DPYSL5: variants seen among roughly 807,000 people sequenced by gnomAD.
DPYSL5 encodes the protein dihydropyrimidinase like 5.
In DPYSL5, 9 loss-of-function variants were observed where a neutral mutation model predicts 58.4. The observed-to-expected ratio is 0.15, with a 90% CI of 0.09 to 0.27. The LOEUF is 0.27. Among genes scored for constraint, DPYSL5 ranks in the 10% least tolerant of loss-of-function variants. DPYSL5 has a pLI of 1.00. For synonymous variants in DPYSL5, 293 were observed against 301.9 expected (o/e 0.97, Z 0.31); for missense variants, 499 against 770.6 (o/e 0.65, Z 4.17).
chr2:26,862,045 A>G (rs961794510), intron 1 of DPYSL5, among the ~76,000 whole-genome samples: 1 of 151,200 alleles, frequency 6.6e-6, no homozygotes, highest in African/African-American at 2.4e-5. Context: ...AATTCTGCCA[A>G]CAATGTGACT....
At chr2:26,865,846 A>G (rs1309010265) in intron 1 of DPYSL5, among the ~76,000 whole-genome samples, 1 of 152,218 alleles carries the variant, frequency 6.6e-6, no homozygotes, top group Non-Finnish European at 1.5e-5. Flanking sequence ...ACAGATGTCA[A>G]CACAGATATC....
chr2:26,938,818 A>T (rs2148172967), intron 8 of DPYSL5: 1 of 152,280 alleles, frequency 6.6e-6, no homozygotes, highest in Admixed American at 6.5e-5. Context: ...GGGCACCCAC[A>T]GTGTGGTCCC....
At chr2:26,883,837 T>G (rs1663637419) in intron 1 of DPYSL5, among the ~76,000 whole-genome samples, 1 of 152,218 alleles carries the variant, frequency 6.6e-6, no homozygotes, top group Admixed American at 6.5e-5. Flanking sequence ...ATTTCTACCC[T>G]GAATCTAGGT....
intron 1 of DPYSL5, among the ~76,000 whole-genome samples, chr2:26,870,394 T>G (rs754322433): frequency 6.6e-6 from 1 of 152,246 alleles, no homozygotes; most frequent in African/African-American, 2.4e-5. Flanking sequence ...CCTTGGCTTA[T>G]GGAATAAACC....
intron 2 of DPYSL5, among the ~76,000 whole-genome samples, chr2:26,913,151 C>T (rs987985083): frequency 4.6e-5 from 7 of 152,184 alleles, no homozygotes; most frequent in African/African-American, 1.7e-4. Flanking sequence ...GAAGTACATT[C>T]GCATTGTTGT....
chr2:26,917,626 C>T (rs1664599706), intron 2 of DPYSL5, among the ~76,000 whole-genome samples: 1 of 152,118 alleles, frequency 6.6e-6, no homozygotes, highest in African/African-American at 2.4e-5. Flanking sequence ...GCCAAGTGGT[C>T]AGGTGTCCTC....
intron 5 of DPYSL5, 46 bp from the exon 6 acceptor site, chr2:26,931,591 TGGA>T (rs1558350882): frequency 6.2e-7 from 1 of 1,610,298 alleles, no homozygotes; most frequent in Non-Finnish European, 8.5e-7. Flanking sequence ...TGGGTATCCT[TGGA>T]GGAGATGGTG....
rs757812462 is a variant in DPYSL5, at chr2:26,898,540, G to C, written c.41G>C (p.Gly14Ala). 21 of 1,614,192 alleles carry C rather than the reference G, an allele frequency of 1.3e-5. No homozygotes were observed. Among genetic ancestry groups the C allele is most frequent in the Non-Finnish European group, 1.6e-5 (19 of 1,180,024 alleles). ...NSASVRILIK[G>A]GKVVNDDCTH... Reference sequence around the variant, plus strand: ...GCCAGCGTGAGGATCCTCATCAAGGGAGGCAAGGTGGTGAACGATGACTGC... The same window carrying C: ...GCCAGCGTGAGGATCCTCATCAAGGCAGGCAAGGTGGTGAACGATGACTGC... The change falls in exon 2 of 13, where the codon GGA becomes GCA. Residue 14 changes from glycine (G) to alanine (A), a missense_variant. Physicochemically the swap from Gly to Ala is moderately conservative, Grantham distance 60. Around this residue, in one of 3 missense-constraint regions of DPYSL5, gnomAD observed 404 missense variants for 647.6 expected, o/e 0.62. Transcript: ENST00000288699. This position sits in a 1 kb window ranked among gnomAD's most constrained non-coding sequence, Gnocchi z 6.1.
At chr2:26,872,886 A>G (rs1435926700) in intron 1 of DPYSL5, among the ~76,000 whole-genome samples, 1 of 152,170 alleles carries the variant, frequency 6.6e-6, no homozygotes, top group Non-Finnish European at 1.5e-5. Context: ...ATATATATTT[A>G]TTTTCCTTAA....
At chr2:26,873,621 A>C (rs184484899) in intron 1 of DPYSL5, among the ~76,000 whole-genome samples, 10 of 152,350 alleles carry the variant, frequency 6.6e-5, no homozygotes, top group African/African-American at 2.4e-4. Flanking sequence ...GGGGTATGCA[A>C]ATGATGGTCT....
rs189189056 is a variant in DPYSL5 at position 26,873,677 on chromosome 2, G to A, written c.-4-24819G>A. Among the ~76,000 whole-genome samples the A allele has an allele frequency of 3.3e-3, 500 of 152,324 alleles. 8 individuals carry two copies. Among genetic ancestry groups the A allele is most frequent in the Middle Eastern group, 6.8e-3 (2 of 294 alleles). ...TCACCTGTTTCTGTATGGTGCATAA[G>A]CTACACATGGTTTTCACATGTTTAA... On this transcript the variant is annotated intron_variant, in intron 1 of 12. Coordinates refer to ENST00000288699, the MANE Select transcript of DPYSL5 (RefSeq NM_020134.4).
chr2:26,914,509 G>A (rs1175764977), intron 2 of DPYSL5, among the ~76,000 whole-genome samples: 2 of 152,218 alleles, frequency 1.3e-5, no homozygotes, highest in African/African-American at 2.4e-5. Context: ...AAGGGAAGGA[G>A]GGGCAGGGGC....
At chr2:26,876,300 C>G (rs868605761) in intron 1 of DPYSL5, among the ~76,000 whole-genome samples, 1 of 152,178 alleles carries the variant, frequency 6.6e-6, no homozygotes, top group East Asian at 1.9e-4. Context: ...ATCACTTGCA[C>G]TCTTCAGTGA....
chr2:26,867,492 G>T (rs1663124260), intron 1 of DPYSL5, among the ~76,000 whole-genome samples: 2 of 127,594 alleles, frequency 1.6e-5, no homozygotes. Flanking sequence ...GTCTCGCTCT[G>T]TCGCCCAGGC....
chr2:26,864,820 G>A (rs933381985), intron 1 of DPYSL5, among the ~76,000 whole-genome samples: 12 of 152,128 alleles, frequency 7.9e-5, no homozygotes, highest in African/African-American at 2.9e-4. Context: ...CAAGGTGGCC[G>A]GGGTCAACTA....
chr2:26,914,854 A>G (rs1664525299), intron 2 of DPYSL5, among the ~76,000 whole-genome samples: 1 of 152,048 alleles, frequency 6.6e-6, no homozygotes, highest in Admixed American at 6.6e-5. Context: ...TTAACCTCTA[A>G]GGGGAGCTCA....
intron 4 of DPYSL5, among the ~76,000 whole-genome samples, 167 bp from the exon 5 acceptor site, chr2:26,928,088 G>A (rs1364210310): frequency 6.6e-6 from 1 of 152,236 alleles, no homozygotes; most frequent in Non-Finnish European, 1.5e-5. Flanking sequence ...TGGGCGGCCT[G>A]TGCATGCTCT....
At chr2:26,876,040 C>A (rs1663401055) in intron 1 of DPYSL5, among the ~76,000 whole-genome samples, 1 of 152,148 alleles carries the variant, frequency 6.6e-6, no homozygotes, top group Non-Finnish European at 1.5e-5. Context: ...TCCTCTTTTT[C>A]TTTAGGTGAA....
At chr2:26,872,242 A>G (rs1157917153) in intron 1 of DPYSL5, among the ~76,000 whole-genome samples, 1 of 152,198 alleles carries the variant, frequency 6.6e-6, no homozygotes, top group Non-Finnish European at 1.5e-5. Context: ...AAGTAGGGCA[A>G]CAGTAGTTAG....
Sources: gnomAD v4.1 joint callset for allele counts (sites outside exome capture counted in the v4.1 genomes callset) on GRCh38, gnomAD v4.1.1 for gene constraint, gnomAD v4.1.1 regional missense constraint, Gnocchi (gnomAD v3.1) non-coding constraint, MANE v1.5 for transcripts, NCBI Gene and HGNC (gene_info 2026-07-23, HGNC 2026-07-21) for gene names.